RAPGEF5: variants seen among roughly 807,000 people sequenced by gnomAD.
The protein encoded by RAPGEF5 is Rap guanine nucleotide exchange factor 5, also known as M-Ras-regulated GEF.
RAPGEF5 carries 65 observed loss-of-function variants against 125.2 expected under a neutral mutation model. The ratio of observed to expected loss-of-function variants is 0.52; its 90% CI spans 0.43 to 0.64. RAPGEF5 has a LOEUF of 0.64. Among genes scored for constraint, RAPGEF5 ranks in the 30% least tolerant of loss-of-function variants. RAPGEF5 has a pLI of 0.00. For missense variants in RAPGEF5, 958 were observed against 1,048.1 expected (o/e 0.91, Z 1.19); for synonymous variants, 391 against 385.9 (o/e 1.01, Z -0.16).
In RAPGEF5 at chr7:22,129,054, A is replaced by C. The variant is rs150043491; in HGVS notation, c.2481+1983T>G. Among the ~76,000 whole-genome samples the C allele has an allele frequency of 2.9e-3, 434 of 152,110 alleles. 4 individuals carry two copies. The highest frequency in any genetic ancestry group is 8.8e-3 in the African/African-American group (364 of 41,510). ...GCTGGCGTTAAGAGGCTTCTGCTGG[A>C]TTACTGGAGAGAGCAGGGGAGGGCC... On this transcript the variant is annotated intron_variant, in intron 24 of 25. Transcript: ENST00000665637.
chr7:22,180,026 C>T (rs1327043462), intron 11 of RAPGEF5, among the ~76,000 whole-genome samples: 1 of 152,196 alleles, frequency 6.6e-6, no homozygotes. Context: ...TTTCACTTTA[C>T]TCTATGGGTT....
chr7:22,237,633 T>C lies in RAPGEF5; in HGVS notation c.797-6714A>G, dbSNP rs192985528. On this transcript the variant is annotated intron_variant, in intron 7 of 25. Transcript: ENST00000665637. ...TCTTCCCTGCTATATTAGCCCCTAG[T>C]TTTAGTTGGTCAGGGAAATGGATTT... 7.3e-4 allele frequency among the ~76,000 whole-genome samples: 111 copies of C among 152,272 alleles called. 2 individuals are homozygous for C. The highest frequency in any genetic ancestry group is 4.8e-3 in the East Asian group (25 of 5,184).
At chr7:22,345,814 T>C (rs1008521296) in intron 1 of RAPGEF5, among the ~76,000 whole-genome samples, 1 of 149,874 alleles carries the variant, frequency 6.7e-6, no homozygotes. Context: ...GACAGACACA[T>C]AGGGTTGCTG....
intron 9 of RAPGEF5, chr7:22,202,901 G>A: frequency 2.7e-6 from 1 of 373,814 alleles, no homozygotes; most frequent in Non-Finnish European, 5.4e-6. Context: ...TGGACACAGA[G>A]AAAGCCCTCA....
intron 3 of RAPGEF5, among the ~76,000 whole-genome samples, chr7:22,311,360 T>C (rs1783466945): frequency 1.3e-5 from 2 of 152,184 alleles, no homozygotes; most frequent in South Asian, 4.1e-4. Context: ...TATCTTTATA[T>C]GCAGTACTGA....
At chr7:22,216,537 C>T (rs548653374) in intron 9 of RAPGEF5, among the ~76,000 whole-genome samples, 118 of 152,314 alleles carry the variant, frequency 7.7e-4, no homozygotes, top group African/African-American at 2.7e-3. Flanking sequence ...TCTGATAACA[C>T]ACGTCCCTTG....
intron 2 of RAPGEF5, 100 bp downstream of exon 2, chr7:22,317,887 G>A (rs1783634882): frequency 1.4e-6 from 2 of 1,477,330 alleles, no homozygotes; most frequent in East Asian, 5.0e-5. Context: ...AAAACTCTAT[G>A]TGGTCAGGAG....
At chr7:22,198,410 AG>A (rs1340880458) in intron 9 of RAPGEF5, among the ~76,000 whole-genome samples, 1 of 152,214 alleles carries the variant, frequency 6.6e-6, no homozygotes, top group Non-Finnish European at 1.5e-5. Context: ...AAGCTAGGCA[AG>A]GAGTTACATA....
In RAPGEF5 at chr7:22,343,667, C is replaced by T. The variant is rs116095551; in HGVS notation, c.231+13163G>A. Among the ~76,000 whole-genome samples, 524 of 152,190 alleles carry T rather than the reference C, an allele frequency of 3.4e-3. 2 individuals are homozygous for T. Among genetic ancestry groups the T allele is most frequent in the African/African-American group, 0.012 (505 of 41,512 alleles). On this transcript the variant is annotated intron_variant, in intron 1 of 25. Coordinates refer to ENST00000665637, the MANE Select transcript of RAPGEF5 (RefSeq NM_012294.5). ...ACTGTAGAAGATGATCTGGATGACC[C>T]CCCAAACCATGAAAAATGTGTTTTA...
chr7:22,216,953 T>C (rs1430008344), intron 9 of RAPGEF5, among the ~76,000 whole-genome samples: 1 of 152,258 alleles, frequency 6.6e-6, no homozygotes, highest in African/African-American at 2.4e-5. Flanking sequence ...CTTCAATTTG[T>C]AACAAGATGT....
intron 3 of RAPGEF5, among the ~76,000 whole-genome samples, chr7:22,310,646 C>T (rs1204042196): frequency 7.2e-6 from 1 of 138,068 alleles, no homozygotes; most frequent in Non-Finnish European, 1.6e-5. Flanking sequence ...ATTGGGACCA[C>T]AGTCAGTTGT....
At chr7:22,254,100 T>C (rs552346331) in intron 7 of RAPGEF5, among the ~76,000 whole-genome samples, 5 of 152,270 alleles carry the variant, frequency 3.3e-5, no homozygotes, top group Admixed American at 2.0e-4. Flanking sequence ...TGCTCCAAAG[T>C]AGAATATGCC....
At chr7:22,239,901 A>C (rs979360006) in intron 7 of RAPGEF5, among the ~76,000 whole-genome samples, 2 of 152,084 alleles carry the variant, frequency 1.3e-5, no homozygotes. Flanking sequence ...TTATAAGGAA[A>C]TGTACTGGAA....
chr7:22,291,092 C>T lies in RAPGEF5; in HGVS notation c.747+83G>A, dbSNP rs1782924669. 4 of 1,435,348 alleles carry T rather than the reference C, an allele frequency of 2.8e-6. No homozygotes were observed. In the South Asian group the frequency reaches 4.3e-5, roughly 15 times the overall value. The allele number at this position is 1,435,348 out of a possible 1,614,324, so 88.9% of individuals were successfully genotyped here. On this transcript the variant is annotated intron_variant, in intron 6 of 25. Coordinates refer to ENST00000665637, the MANE Select transcript of RAPGEF5 (RefSeq NM_012294.5). The stretch of plus-strand genomic sequence containing the variant: ...CAGCCACAGGGAAAATGTCTCTCTA[C>T]ACCATCACCCAAAGAACTTCCCTTC...
intron 11 of RAPGEF5, chr7:22,191,322 C>T (rs541786966): frequency 7.9e-6 from 2 of 254,262 alleles, no homozygotes; most frequent in South Asian, 9.5e-5. Context: ...AAGAGCTACA[C>T]TGACTTCCAC....
intron 5 of RAPGEF5, among the ~76,000 whole-genome samples, chr7:22,299,360 AATAGT>A (rs748895512): frequency 6.6e-6 from 1 of 152,132 alleles, no homozygotes; most frequent in Non-Finnish European, 1.5e-5. Flanking sequence ...ATGATTTCCA[AATAGT>A]AGATTTTACA....
chr7:22,156,989 T>G, intron 15 of RAPGEF5, 101 bp from the exon 16 acceptor site: 1 of 1,505,858 alleles, frequency 6.6e-7, no homozygotes, highest in East Asian at 2.4e-5. Flanking sequence ...CCAAATTTTT[T>G]TTTAATATGA....
intron 1 of RAPGEF5, among the ~76,000 whole-genome samples, chr7:22,342,460 C>A (rs2128387197): frequency 6.6e-6 from 1 of 152,340 alleles, no homozygotes; most frequent in African/African-American, 2.4e-5. Flanking sequence ...ACATTAGGCT[C>A]CGCATTACTT....
chr7:22,339,856 G>A (rs1196058588), intron 1 of RAPGEF5, among the ~76,000 whole-genome samples: 3 of 152,136 alleles, frequency 2.0e-5, no homozygotes, highest in African/African-American at 7.2e-5. Context: ...ACTATTTAAA[G>A]CAGGTAGTTT....
Sources: gnomAD v4.1 joint callset for allele counts (sites outside exome capture counted in the v4.1 genomes callset) on GRCh38, gnomAD v4.1.1 for gene constraint, MANE v1.5 for transcripts, NCBI Gene and HGNC (gene_info 2026-07-23, HGNC 2026-07-21) for gene names.